The following ZNF316 variants were observed in gnomAD, a reference collection of about 807,000 sequenced individuals.
The protein encoded by ZNF316 is zinc finger protein 316.
In ZNF316, 23 loss-of-function variants were observed where a neutral mutation model predicts 75.6. The ratio of observed to expected loss-of-function variants is 0.30; its 90% CI spans 0.22 to 0.43. The LOEUF (loss-of-function observed/expected upper bound fraction) is 0.43. ZNF316 is among the 20% of genes least tolerant of loss of function. The pLI, the probability that ZNF316 is intolerant of heterozygous loss-of-function variation, is 1.00. For synonymous variants in ZNF316, 827 were observed against 666.2 expected (o/e 1.24, Z -3.72); for missense variants, 1,266 against 1,409.4 (o/e 0.90, Z 1.63).
intron 6 of ZNF316, 95 bp from the exon 7 acceptor site, chr7:6,643,727 T>G: frequency 8.8e-7 from 1 of 1,134,740 alleles, no homozygotes; most frequent in East Asian, 3.2e-5. Context: ...CTGTGTCCCC[T>G]GACACCCATG....
chr7:6,643,741 G>C, intron 6 of ZNF316, 81 bp from the exon 7 acceptor site: 2 of 1,196,934 alleles, frequency 1.7e-6, no homozygotes, highest in Non-Finnish European at 2.1e-6. Flanking sequence ...ACCCATGCTG[G>C]AGAGCCTCAG....
At position 6,653,267 on chromosome 7, in the gene ZNF316, G is replaced by A; in HGVS notation, c.1671G>A (p.Glu557=). ...CGGAGGCCGCGGCCGAGGAGAGAGA[G>A]GAGGCGGCGGTGGCGGCGCCCACCC... ...GEAEAAAEER[E]EAAVAAPTPS... The change falls in exon 9 of 9, where the codon GAG becomes GAA. Residue 557 remains glutamate (E), a synonymous_variant. Transcript: ENST00000382252. 1.6e-6 allele frequency: 2 copies of A among 1,227,700 alleles called. No individual in the cohort carries two copies. The highest frequency in any genetic ancestry group is 4.1e-5 in the South Asian group (1 of 24,320). The allele number at this position is 1,227,700 out of a possible 1,614,324, so 76.1% of individuals were successfully genotyped here. A position where few individuals can be genotyped will look rare whatever the true frequency, so the allele number is the denominator to read the frequency against.
rs1037712595 is a variant in ZNF316, at chr7:6,656,529, A to C, written c.*1918A>C. The C allele has an allele frequency of 6.6e-6, 1 of 152,206 alleles. No individual in the cohort carries two copies. The allele number at this position is 152,206 out of a possible 1,614,324, so 9.4% of individuals were successfully genotyped here. ...AACTTGTTTCTGCAAACATTTTTTAAAAGATTTTCTCTTTTAAGAAATTAG... is the reference window on the plus strand; with the variant it reads ...AACTTGTTTCTGCAAACATTTTTTACAAGATTTTCTCTTTTAAGAAATTAG... On this transcript the variant is annotated 3_prime_UTR_variant, in exon 9 of 9. Transcript: ENST00000382252.
chr7:6,652,606 C>G lies in ZNF316; in HGVS notation c.1010C>G (p.Ala337Gly). The change falls in exon 9 of 9, where the codon GCC becomes GGC. Residue 337 changes from alanine (A) to glycine (G), a missense_variant. Ala to Gly is a moderately conservative substitution (Grantham distance 60, BLOSUM62 0). Around this residue, in one of 3 missense-constraint regions of ZNF316, gnomAD observed 961 missense variants for 990.9 expected, o/e 0.97. Transcript: ENST00000382252. ...LSPWAFPAAV[A>G]PPAGRPETTC... ...CCCTGGGCGTTCCCCGCCGCAGTGGCCCCGCCGGCCGGGAGGCCGGAGACC... is the reference window on the plus strand; with the variant it reads ...CCCTGGGCGTTCCCCGCCGCAGTGGGCCCGCCGGCCGGGAGGCCGGAGACC... The G allele has an allele frequency of 8.1e-7, 1 of 1,230,444 alleles. No individual in the cohort carries two copies. Among genetic ancestry groups the G allele is most frequent in the Middle Eastern group, 3.1e-4 (1 of 3,202 alleles). The allele number at this position is 1,230,444 out of a possible 1,614,324, so 76.2% of individuals were successfully genotyped here. A position where few individuals can be genotyped will look rare whatever the true frequency, so the allele number is the denominator to read the frequency against.
chr7:6,646,213 C>T (rs1038359566), intron 8 of ZNF316, among the ~76,000 whole-genome samples: 6 of 152,090 alleles, frequency 3.9e-5, no homozygotes, highest in African/African-American at 1.4e-4. Context: ...TTGTAGGAGG[C>T]CCTTCGTGCC....
rs7804488 is a variant in ZNF316, at chr7:6,640,539, C to G, written c.-166-1286C>G. 3.2e-3 allele frequency among the ~76,000 whole-genome samples: 493 copies of G among 152,316 alleles called. 2 individuals carry two copies. The highest frequency in any genetic ancestry group is 0.011 in the African/African-American group (465 of 41,584). On this transcript the variant is annotated intron_variant, in intron 3 of 8. Coordinates refer to ENST00000382252, the MANE Select transcript of ZNF316 (RefSeq NM_001278559.2). The surrounding 1 kb of genome is among the most constrained non-coding windows in gnomAD (Gnocchi z 5.1). The stretch of plus-strand genomic sequence containing the variant: ...GGGATGGCCCAAGATTCAGGAGGGA[C>G]CCACCCCCATGATCCAGTCACCTCC...
Position 6,652,588 on chromosome 7 carries a change from C to T in ZNF316, c.992C>T (p.Ala331Val), listed in dbSNP as rs1779528596. The change falls in exon 9 of 9, where the codon GCG becomes GTG. Residue 331 changes from alanine (A) to valine (V), a missense_variant. By Grantham distance (64) the Ala-to-Val change is moderately conservative (BLOSUM62 0). Coordinates refer to ENST00000382252, the MANE Select transcript of ZNF316 (RefSeq NM_001278559.2). ...EPGANLLSPW[A>V]FPAAVAPPAG... is the part of the protein sequence containing the mutation. ...GGTGCGAACCTGCTGTCGCCCTGGG[C>T]GTTCCCCGCCGCAGTGGCCCCGCCG... is the stretch of plus-strand genomic sequence containing the variant. 6 of 1,230,562 alleles carry T rather than the reference C, an allele frequency of 4.9e-6. No individual in the cohort carries two copies. Among genetic ancestry groups the T allele is most frequent in the Non-Finnish European group, 6.1e-6 (6 of 987,134 alleles). The allele number at this position is 1,230,562 out of a possible 1,614,324, so 76.2% of individuals were successfully genotyped here.
At position 6,655,919 on chromosome 7, in the gene ZNF316, A is replaced by G. The variant is rs1329102680; in HGVS notation, c.*1308A>G. The G allele has an allele frequency of 2.6e-5, 4 of 152,284 alleles. No individual in the cohort carries two copies. The East Asian group carries it at 7.7e-4, about 29-fold the overall frequency. The allele number at this position is 152,284 out of a possible 1,614,324, so 9.4% of individuals were successfully genotyped here. A position where few individuals can be genotyped will look rare whatever the true frequency, so the allele number is the denominator to read the frequency against. On this transcript the variant is annotated 3_prime_UTR_variant, in exon 9 of 9. Coordinates refer to ENST00000382252, the MANE Select transcript of ZNF316 (RefSeq NM_001278559.2). ...TGGGCGGGCAGCTGGGGTGTAGTTC[A>G]TGTGAAGCCCCATTCCCCTCACGCT...
Position 6,657,424 on chromosome 7 carries a change from A to C in ZNF316, c.*2813A>C, listed in dbSNP as rs1779646891. Among the ~76,000 whole-genome samples the C allele has an allele frequency of 6.6e-6, 1 of 151,822 alleles. No individual in the cohort carries two copies. The highest frequency in any genetic ancestry group is 2.1e-4 in the South Asian group (1 of 4,812). On this transcript the variant is annotated 3_prime_UTR_variant, in exon 9 of 9. Coordinates refer to ENST00000382252, the MANE Select transcript of ZNF316 (RefSeq NM_001278559.2). ...CGCCTGAGACCAGAAATTCAAGGCC[A>C]ACCTGGGCAACGTATCAAGACTCCA...
intron 8 of ZNF316, among the ~76,000 whole-genome samples, chr7:6,650,199 G>A (rs942936376): frequency 1.3e-5 from 2 of 152,224 alleles, no homozygotes; most frequent in Non-Finnish European, 2.9e-5. Flanking sequence ...TAGGGTTGGG[G>A]TATAGGGCTG....
At position 6,653,704 on chromosome 7, in the gene ZNF316, G is replaced by T; in HGVS notation, c.2108G>T (p.Arg703Leu). The T allele has an allele frequency of 9.1e-7, 1 of 1,093,906 alleles. No homozygotes were observed. Among genetic ancestry groups the T allele is most frequent in the Non-Finnish European group, 1.1e-6 (1 of 898,048 alleles). The allele number at this position is 1,093,906 out of a possible 1,614,324, so 67.8% of individuals were successfully genotyped here. ...GACTGCGGCAAGACGTTTGGGCGCC[G>T]GGCCGCGCTGGCCAAGCACCAGCGC... ...CSDCGKTFGR[R>L]AALAKHQRYH... Residue 703 changes from arginine (R) to leucine (L), a missense_variant, in exon 9 of 9, where the codon CGG becomes CTG. By Grantham distance (102) the Arg-to-Leu change is moderately radical (BLOSUM62 -2). This residue lies in a region of ZNF316 where 961 missense variants were observed against 990.9 expected (regional missense o/e 0.97). Coordinates refer to ENST00000382252, the MANE Select transcript of ZNF316 (RefSeq NM_001278559.2).
rs1779536565 is a variant in ZNF316 at position 6,652,885 on chromosome 7, G to T, written c.1289G>T (p.Arg430Leu). 5 of 1,242,066 alleles carry T rather than the reference G, an allele frequency of 4.0e-6. No homozygotes were observed. The highest frequency in any genetic ancestry group is 7.6e-5 in the South Asian group (2 of 26,408). 76.9% of individuals were successfully genotyped at this position (1,242,066 alleles called of 1,614,324 possible). The change falls in exon 9 of 9, where the codon CGC (arginine) becomes CTC (leucine). Residue 430 changes from arginine to leucine, a missense_variant. Coordinates refer to ENST00000382252, the MANE Select transcript of ZNF316 (RefSeq NM_001278559.2). ...ATCCATACTGGCGAGCGGCCCTACC[G>T]CTGCGCCTTCTGCGGCGCGGGCTTC... is the stretch of plus-strand genomic sequence containing the variant. ...RRIHTGERPY[R>L]CAFCGAGFGR...
At position 6,653,966 on chromosome 7, in the gene ZNF316, G is replaced by A; in HGVS notation, c.2370G>A (p.Leu790=). 8.6e-7 allele frequency: 1 copy of A among 1,166,274 alleles called. No homozygotes were observed. Among genetic ancestry groups the A allele is most frequent in the Non-Finnish European group, 1.1e-6 (1 of 946,504 alleles). 72.2% of individuals were successfully genotyped at this position (1,166,274 alleles called of 1,614,324 possible). The change falls in exon 9 of 9, where the codon TTG becomes TTA. Residue 790 remains leucine (L), a synonymous_variant. Transcript: ENST00000382252. ...CGGGGTTCAGCCGTCGCGCGCACTT[G>A]ACGGCGCACGGGCGCGCGCACACCG... is the stretch of plus-strand genomic sequence containing the variant. ...CGAGFSRRAH[L]TAHGRAHTGE...
Position 6,654,515 on chromosome 7 carries a change from C to T in ZNF316, c.2919C>T (p.Ser973=). 3.4e-6 allele frequency: 4 copies of T among 1,176,744 alleles called. No homozygotes were observed. The highest frequency in any genetic ancestry group is 3.1e-6 in the Non-Finnish European group (3 of 952,766). 72.9% of individuals were successfully genotyped at this position (1,176,744 alleles called of 1,614,324 possible). The change falls in exon 9 of 9, where the codon AGC becomes AGT. Residue 973 remains serine (S), a synonymous_variant. Coordinates refer to ENST00000382252, the MANE Select transcript of ZNF316 (RefSeq NM_001278559.2). ...PSSAGPGERG[S]ALLEFAGGTS... ...GTGCCGGCCCCGGTGAGCGCGGCAG[C>T]GCCCTGCTGGAGTTCGCGGGCGGCA...
At chr7:6,650,306 C>T (rs781749617) in intron 8 of ZNF316, among the ~76,000 whole-genome samples, 12 of 152,176 alleles carry the variant, frequency 7.9e-5, no homozygotes, top group Non-Finnish European at 1.6e-4. Flanking sequence ...GCTCTGTGCA[C>T]GGAGTGGCTG....
chr7:6,656,600 T>G lies in ZNF316; in HGVS notation c.*1989T>G, dbSNP rs1779631879. 6.6e-6 allele frequency among the ~76,000 whole-genome samples: 1 copy of G among 152,236 alleles called. No homozygotes were observed. The highest frequency in any genetic ancestry group is 1.5e-5 in the Non-Finnish European group (1 of 68,034). On this transcript the variant is annotated 3_prime_UTR_variant, in exon 9 of 9. Coordinates refer to ENST00000382252, the MANE Select transcript of ZNF316 (RefSeq NM_001278559.2). ...ATGAGGAGTTGGCCCCAGGCCAGTG[T>G]GGCCCCGTGCTGCCCATGCCCACCG... is the stretch of plus-strand genomic sequence containing the variant.
At chr7:6,650,467 T>C (rs1779487832) in intron 8 of ZNF316, among the ~76,000 whole-genome samples, 1 of 152,226 alleles carries the variant, frequency 6.6e-6, no homozygotes, top group African/African-American at 2.4e-5. Flanking sequence ...TGCCTGTTTT[T>C]TCACAGTGAA....
chr7:6,650,551 G>C (rs1359603460), intron 8 of ZNF316, among the ~76,000 whole-genome samples: 1 of 152,196 alleles, frequency 6.6e-6, no homozygotes, highest in Non-Finnish European at 1.5e-5. Context: ...ACGAGGCAGT[G>C]CCAAGGGCAT....
At position 6,658,256 on chromosome 7, in the gene ZNF316, A is replaced by G. The variant is rs1183027369; in HGVS notation, c.*3645A>G. On this transcript the variant is annotated 3_prime_UTR_variant, in exon 9 of 9. Transcript: ENST00000382252. ...TATTTTGAATTACTGGGTTATATCTATTAAATAAAGCTTTATGATCTTTGC... is the reference window on the plus strand; with the variant it reads ...TATTTTGAATTACTGGGTTATATCTGTTAAATAAAGCTTTATGATCTTTGC... Among the ~76,000 whole-genome samples, 1 of 151,976 alleles carries G rather than the reference A, an allele frequency of 6.6e-6. No homozygotes were observed. Among genetic ancestry groups the G allele is most frequent in the African/African-American group, 2.4e-5 (1 of 41,388 alleles).
Sources: allele counts gnomAD v4.1 joint callset (sites outside exome capture counted in the v4.1 genomes callset), GRCh38; gene constraint gnomAD v4.1.1; regional missense constraint gnomAD v4.1.1; non-coding constraint Gnocchi (gnomAD v3.1); transcripts MANE v1.5; gene names NCBI Gene and HGNC (gene_info 2026-07-23, HGNC 2026-07-21).